The following CASR variants were observed in gnomAD, a reference collection of about 807,000 sequenced individuals.
CASR encodes extracellular calcium-sensing receptor.
Under a neutral mutation model 69.1 loss-of-function variants are expected in CASR, and 23 were observed. That is an observed-to-expected ratio of 0.33 (90% confidence interval 0.24 to 0.47). The LOEUF (loss-of-function observed/expected upper bound fraction) is 0.47. Ranked by LOEUF, CASR falls within the 20% of genes least tolerant of loss-of-function variation. The probability of loss-of-function intolerance (pLI) is 1.00; values close to 1 mark genes in which losing one functional copy is unlikely to be tolerated. For synonymous variants in CASR, 541 were observed against 544.7 expected (o/e 0.99, Z 0.10); for missense variants, 924 against 1,356.1 (o/e 0.68, Z 5.00).
intron 4 of CASR, among the ~76,000 whole-genome samples, chr3:122,272,966 G>A (rs1353386804): frequency 6.6e-6 from 1 of 152,250 alleles, no homozygotes; most frequent in East Asian, 1.9e-4. Flanking sequence ...TGTCTGACCA[G>A]TGTGAAAGAT....
chr3:122,227,626 A>T (rs958084088), intron 1 of CASR, among the ~76,000 whole-genome samples: 1 of 152,208 alleles, frequency 6.6e-6, no homozygotes, highest in Non-Finnish European at 1.5e-5. Context: ...GGGCTCCCAC[A>T]GCGCAGCAGT....
Position 122,284,810 on chromosome 3 carries a change from G to A in CASR, c.2856G>A (p.Gln952=), listed in dbSNP as rs2074947335. ...AGCAGCAGCCCCTGACCCTCCCACA[G>A]CAGCAACGATCTCAGCAGCAGCCCA... ...EQQQQPLTLP[Q]QQRSQQQPRC... is the part of the protein sequence containing the mutation. Residue 952 remains glutamine, a synonymous_variant, in exon 7 of 7, where the codon CAG becomes CAA. Transcript: ENST00000639785. 6.2e-7 allele frequency: 1 copy of A among 1,614,138 alleles called. No individual in the cohort carries two copies. Among genetic ancestry groups the A allele is most frequent in the Admixed American group, 1.7e-5 (1 of 60,018 alleles).
In CASR at chr3:122,283,998, C is replaced by T; in HGVS notation, c.2044C>T (p.Pro682Ser). 3 of 1,613,808 alleles carry T rather than the reference C, an allele frequency of 1.9e-6. No homozygotes were observed. The highest frequency in any genetic ancestry group is 2.5e-6 in the Non-Finnish European group (3 of 1,179,838). Residue 682 changes from proline to serine, a missense_variant, in exon 7 of 7, where the codon CCG becomes TCG. Physicochemically the swap from Pro to Ser is moderately conservative, Grantham distance 74. This residue lies in a region of CASR where 184 missense variants were observed against 278.8 expected (regional missense o/e 0.66). Coordinates refer to ENST00000639785, the MANE Select transcript of CASR (RefSeq NM_000388.4). ...GGACTGGACGTGCCGCCTGCGCCAG[C>T]CGGCCTTTGGCATCAGCTTCGTGCT... ...PQDWTCRLRQ[P>S]AFGISFVLCI...
At chr3:122,213,263 A>G (rs917574335) in intron 1 of CASR, among the ~76,000 whole-genome samples, 1 of 152,156 alleles carries the variant, frequency 6.6e-6, no homozygotes, top group African/African-American at 2.4e-5. Flanking sequence ...TTGAAAACCT[A>G]GTGCATTATT....
At position 122,276,012 on chromosome 3, in the gene CASR, G is replaced by A; in HGVS notation, c.1578G>A (p.Glu526=). Residue 526 remains glutamate (E), a synonymous_variant, in exon 5 of 7, where the codon GAG becomes GAA. Coordinates refer to ENST00000639785, the MANE Select transcript of CASR (RefSeq NM_000388.4). Reference sequence around the variant, plus strand: ...GAGAAAGACTCTTCATCAACGAGGAGAAAATCCTGTGGAGTGGGTTCTCCA... The same window carrying A: ...GAGAAAGACTCTTCATCAACGAGGAAAAAATCCTGTGGAGTGGGTTCTCCA... ...KKGERLFINE[E]KILWSGFSRE... The A allele has an allele frequency of 6.2e-7, 1 of 1,613,632 alleles. No homozygotes were observed. The highest frequency in any genetic ancestry group is 1.3e-5 in the African/African-American group (1 of 75,030).
intron 4 of CASR, among the ~76,000 whole-genome samples, chr3:122,273,426 A>C (rs2074781308): frequency 6.6e-6 from 1 of 152,246 alleles, no homozygotes. Context: ...AGTATGTATT[A>C]AGTATTAGAA....
rs104893695 is a variant in CASR at position 122,257,249 on chromosome 3, C to T, written c.354C>T (p.Asn118=). 1 of 1,614,156 alleles carries T rather than the reference C, an allele frequency of 6.2e-7. No homozygotes were observed. The highest frequency in any genetic ancestry group is 8.5e-7 in the Non-Finnish European group (1 of 1,179,994). ...CCACCCTGAGTTTTGTTGCTCAAAA[C>T]AAAATTGATTCTTTGAACCTTGATG... ...LEATLSFVAQ[N]KIDSLNLDEF... is the part of the protein sequence containing the mutation. Residue 118 remains asparagine, a synonymous_variant, in exon 3 of 7, where the codon AAC becomes AAT. Coordinates refer to ENST00000639785, the MANE Select transcript of CASR (RefSeq NM_000388.4).
intron 1 of CASR, among the ~76,000 whole-genome samples, chr3:122,216,857 T>C (rs1049642968): frequency 2.0e-5 from 3 of 152,242 alleles, no homozygotes; most frequent in Non-Finnish European, 4.4e-5. Context: ...TAATCATGCA[T>C]AATTTACAAA....
intron 1 of CASR, among the ~76,000 whole-genome samples, chr3:122,199,923 T>A (rs762352991): frequency 1.3e-5 from 2 of 152,228 alleles, no homozygotes; most frequent in Admixed American, 6.5e-5. Flanking sequence ...TGTTTTGTTT[T>A]TGAGATGCAG....
chr3:122,271,215 A>G (rs2074753747), intron 4 of CASR, among the ~76,000 whole-genome samples: 1 of 152,204 alleles, frequency 6.6e-6, no homozygotes, highest in African/African-American at 2.4e-5. Flanking sequence ...TTATGCACTC[A>G]AAAGACAAGG....
chr3:122,261,437 C>T lies in CASR; in HGVS notation c.493-91C>T, dbSNP rs3749208. On this transcript the variant is annotated intron_variant, in intron 3 of 6. Transcript: ENST00000639785. Reference sequence around the variant, plus strand: ...TTGATAAATGAGACCAAGGCATGCTCAGAAAGCCACCTCCACAACAGCCTG... The same window carrying T: ...TTGATAAATGAGACCAAGGCATGCTTAGAAAGCCACCTCCACAACAGCCTG... 0.34 allele frequency: 400,690 copies of T among 1,169,854 alleles called. 74,085 individuals carry two copies. Among genetic ancestry groups the T allele is most frequent in the East Asian group, 0.56 (24,115 of 42,936 alleles). The allele number at this position is 1,169,854 out of a possible 1,614,324, so 72.5% of individuals were successfully genotyped here.
rs535898835 is a variant in CASR, at chr3:122,263,634, A to G, written c.1377+1222A>G. ...TCAGTCACTGTAGAGATTCTCATGAAAGACAAGGAGTGACTGTCTAAGTTG... is the reference window on the plus strand; with the variant it reads ...TCAGTCACTGTAGAGATTCTCATGAGAGACAAGGAGTGACTGTCTAAGTTG... On this transcript the variant is annotated intron_variant, in intron 4 of 6. Transcript: ENST00000639785. 6.6e-5 allele frequency among the ~76,000 whole-genome samples: 10 copies of G among 152,290 alleles called. No individual in the cohort carries two copies. The South Asian group carries it at 2.1e-3, about 32-fold the overall frequency.
chr3:122,280,310 C>G (rs1036603983), intron 5 of CASR, among the ~76,000 whole-genome samples: 1 of 152,166 alleles, frequency 6.6e-6, no homozygotes, highest in African/African-American at 2.4e-5. Flanking sequence ...CAAGGATGCC[C>G]GCTCTCACCA....
At chr3:122,220,006 G>A (rs2074155121) in intron 1 of CASR, among the ~76,000 whole-genome samples, 1 of 152,220 alleles carries the variant, frequency 6.6e-6, no homozygotes, top group Non-Finnish European at 1.5e-5. Flanking sequence ...TTGCTGCTGT[G>A]TGGGTATGCC....
intron 1 of CASR, among the ~76,000 whole-genome samples, chr3:122,204,032 T>A (rs2221265): frequency 0.89 from 134,730 of 152,092 alleles, 60,321 homozygotes; most frequent in Admixed American, 0.93. Context: ...TCATGTATCT[T>A]GTACAGATGA....
chr3:122,258,599 C>G (rs1302449342), intron 3 of CASR, among the ~76,000 whole-genome samples: 1 of 152,048 alleles, frequency 6.6e-6, no homozygotes, highest in African/African-American at 2.4e-5. Context: ...CCATGGCCAA[C>G]AGGCTAAGAT....
At chr3:122,252,446 A>AAAGAAAGAAAG (rs1171805148) in intron 1 of CASR, among the ~76,000 whole-genome samples, 18 of 98,810 alleles carry the variant, frequency 1.8e-4, no homozygotes, top group African/African-American at 7.0e-4. Flanking sequence ...AGAAAGAAAG[A>AAAGAAAGAAAG]AAAAAAAGAA....
At chr3:122,238,540 AC>A (rs1306763924) in intron 1 of CASR, among the ~76,000 whole-genome samples, 1 of 152,186 alleles carries the variant, frequency 6.6e-6, no homozygotes, top group Admixed American at 6.5e-5. Context: ...GCTAGGCTTA[AC>A]ACTAGAGCCA....
chr3:122,290,566 T>TA lies in CASR; in HGVS notation c.*5378dup, dbSNP rs1006542136. 3.5e-4 allele frequency: 53 copies of TA among 152,202 alleles called. No individual in the cohort carries two copies. Among genetic ancestry groups the TA allele is most frequent in the African/African-American group, 1.3e-3 (52 of 41,448 alleles). The allele number at this position is 152,202 out of a possible 1,614,324, so 9.4% of individuals were successfully genotyped here. Reference sequence around the variant, plus strand: ...TTGTTTCTGCTTCTTTAGGATGTTCTAAATTTTTCCCAAGTTTTGTACATT... The same window carrying TA: ...TTGTTTCTGCTTCTTTAGGATGTTCTAAAATTTTTCCCAAGTTTTGTACATT... On this transcript the variant is annotated 3_prime_UTR_variant, in exon 7 of 7. Coordinates refer to ENST00000639785, the MANE Select transcript of CASR (RefSeq NM_000388.4).
Sources: gnomAD v4.1 joint callset for allele counts (sites outside exome capture counted in the v4.1 genomes callset) on GRCh38, gnomAD v4.1.1 for gene constraint, gnomAD v4.1.1 regional missense constraint, MANE v1.5 for transcripts, NCBI Gene and HGNC (gene_info 2026-07-23, HGNC 2026-07-21) for gene names.